QKI: variants seen among roughly 807,000 people sequenced by gnomAD.
QKI encodes the protein QKI, KH domain containing RNA binding, also known as KH domain-containing RNA-binding protein QKI.
In QKI, 10 loss-of-function variants were observed where a neutral mutation model predicts 39.0. The ratio of observed to expected loss-of-function variants is 0.26; its 90% CI spans 0.16 to 0.43. The LOEUF (loss-of-function observed/expected upper bound fraction) is 0.43, where lower values mean the gene tolerates loss of function less well. Among genes scored for constraint, QKI ranks in the 20% least tolerant of loss-of-function variants. The pLI is 1.00. For missense variants in QKI, 218 were observed against 428.0 expected (o/e 0.51, Z 4.33); for synonymous variants, 204 against 155.4 (o/e 1.31, Z -2.33).
intron 1 of QKI, 48 bp downstream of exon 1, chr6:163,415,383 G>A: frequency 6.8e-7 from 1 of 1,472,498 alleles, no homozygotes; most frequent in Non-Finnish European, 9.1e-7. Flanking sequence ...CGCCGGGGCG[G>A]CCCCTTTCCC....
In QKI at chr6:163,573,504, GTT is replaced by G; in HGVS notation, c.*2797_*2798del. 1 of 151,982 alleles carries G rather than the reference GTT, an allele frequency of 6.6e-6. No homozygotes were observed. The highest frequency in any genetic ancestry group is 2.4e-5 in the African/African-American group (1 of 41,446). The allele number at this position is 151,982 out of a possible 1,614,324, so 9.4% of individuals were successfully genotyped here. On this transcript the variant is annotated 3_prime_UTR_variant, in exon 8 of 8. Transcript: ENST00000361752. Reference sequence around the variant, plus strand: ...AGTTTATAATGTATTTTTCTATCTTGTTTTATATGTATGTTATATAACATTCA... The same window carrying G: ...AGTTTATAATGTATTTTTCTATCTTGTTATATGTATGTTATATAACATTCA...
intron 1 of QKI, among the ~76,000 whole-genome samples, chr6:163,441,037 A>G (rs929241629): frequency 6.6e-6 from 1 of 152,214 alleles, no homozygotes; most frequent in African/African-American, 2.4e-5. Flanking sequence ...CTATGAATAT[A>G]GGGTTTATGA....
intron 1 of QKI, among the ~76,000 whole-genome samples, chr6:163,432,408 T>TG (rs1163598780): frequency 2.0e-5 from 3 of 151,854 alleles, no homozygotes; most frequent in African/African-American, 7.3e-5. Context: ...CTTTTTTTTT[T>TG]TTTAAAGAGA....
chr6:163,448,436 C>G (rs1331084476), intron 1 of QKI, among the ~76,000 whole-genome samples: 1 of 149,226 alleles, frequency 6.7e-6, no homozygotes, highest in Non-Finnish European at 1.5e-5. Flanking sequence ...ACTTAATAGT[C>G]TGTACTCTAG....
intron 2 of QKI, among the ~76,000 whole-genome samples, chr6:163,469,650 C>G (rs1792038400): frequency 6.6e-6 from 1 of 152,126 alleles, no homozygotes; most frequent in South Asian, 2.1e-4. Context: ...AAAGGCTGTT[C>G]TCTGTTTTAC....
At chr6:163,498,581 T>C (rs1778554210) in intron 3 of QKI, among the ~76,000 whole-genome samples, 2 of 151,814 alleles carry the variant, frequency 1.3e-5, no homozygotes, top group Non-Finnish European at 2.9e-5. Context: ...TTCTTCCTTT[T>C]GTTCTTATGT....
intron 1 of QKI, among the ~76,000 whole-genome samples, chr6:163,424,735 G>A (rs1788278201): frequency 6.6e-6 from 1 of 151,570 alleles, no homozygotes; most frequent in Non-Finnish European, 1.5e-5. Context: ...AGGTTCAAGT[G>A]ATTCTCCTGC....
At chr6:163,458,776 A>C (rs1562453842) in intron 2 of QKI, among the ~76,000 whole-genome samples, 1 of 152,194 alleles carries the variant, frequency 6.6e-6, no homozygotes, top group Non-Finnish European at 1.5e-5. Context: ...AAATGTATTA[A>C]AATTTTCACA....
At chr6:163,431,087 G>A (rs1788789642) in intron 1 of QKI, among the ~76,000 whole-genome samples, 5 of 152,094 alleles carry the variant, frequency 3.3e-5, no homozygotes, top group Admixed American at 3.3e-4. Context: ...AAAGATCTGT[G>A]GATCCTTGGG....
intron 4 of QKI, among the ~76,000 whole-genome samples, chr6:163,549,054 T>G (rs922106159): frequency 6.6e-6 from 1 of 152,160 alleles, no homozygotes; most frequent in Non-Finnish European, 1.5e-5. Flanking sequence ...AAAAGAGGTT[T>G]AATTGACTCA....
chr6:163,453,089 T>G (rs1790689875), intron 1 of QKI, among the ~76,000 whole-genome samples: 3 of 151,858 alleles, frequency 2.0e-5, no homozygotes, highest in Admixed American at 2.0e-4. Flanking sequence ...TGCAATAGAT[T>G]CTTTTGTTTT....
In QKI at chr6:163,431,862, A is replaced by G. The variant is rs114312184; in HGVS notation, c.142+16527A>G. 5.1e-3 allele frequency among the ~76,000 whole-genome samples: 759 copies of G among 149,916 alleles called. 5 individuals carry two copies. Among genetic ancestry groups the G allele is most frequent in the African/African-American group, 0.018 (732 of 40,888 alleles). ...AAAAAAAAAACCCTGTAATTCTGCA[A>G]TTTTAAAGCGGGTGTGGATTTGAGA... On this transcript the variant is annotated intron_variant, in intron 1 of 7. Transcript: ENST00000361752.
chr6:163,548,260 T>C (rs1425063744), intron 4 of QKI, among the ~76,000 whole-genome samples: 2 of 152,224 alleles, frequency 1.3e-5, no homozygotes, highest in Non-Finnish European at 2.9e-5. Context: ...TCTCCCTCAC[T>C]GCCTTGCACA....
At chr6:163,417,783 C>G (rs551742997) in intron 1 of QKI, among the ~76,000 whole-genome samples, 1 of 152,102 alleles carries the variant, frequency 6.6e-6, no homozygotes, top group Non-Finnish European at 1.5e-5. Context: ...GTAAAGATTG[C>G]TTCTGTGTGG....
chr6:163,419,769 A>T (rs774575987), intron 1 of QKI, among the ~76,000 whole-genome samples: 13 of 152,204 alleles, frequency 8.5e-5, no homozygotes, highest in Non-Finnish European at 1.6e-4. Context: ...GTTGTATCCG[A>T]CTGTAACACA....
intron 1 of QKI, among the ~76,000 whole-genome samples, chr6:163,418,309 G>A (rs961098689): frequency 6.6e-6 from 1 of 151,978 alleles, no homozygotes; most frequent in African/African-American, 2.4e-5. Context: ...ATGCTTGTCA[G>A]CCTAAGAATT....
intron 6 of QKI, chr6:163,566,105 A>C: frequency 6.8e-7 from 1 of 1,472,532 alleles, no homozygotes. Flanking sequence ...CATAGATATA[A>C]AGTAAAATTA....
chr6:163,473,897 G>T (rs185924334), intron 2 of QKI, among the ~76,000 whole-genome samples: 1 of 146,232 alleles, frequency 6.8e-6, no homozygotes, highest in East Asian at 2.1e-4. Flanking sequence ...TTGTGGGCCA[G>T]TTCTATTTAT....
intron 3 of QKI, among the ~76,000 whole-genome samples, chr6:163,488,995 A>G (rs538729872): frequency 6.9e-6 from 1 of 145,298 alleles, no homozygotes; most frequent in African/African-American, 2.6e-5. Flanking sequence ...TTTTTTAAAC[A>G]TAAACAGTTA....
Sources: allele counts gnomAD v4.1 joint callset (sites outside exome capture counted in the v4.1 genomes callset), GRCh38; gene constraint gnomAD v4.1.1; transcripts MANE v1.5; gene names NCBI Gene and HGNC (gene_info 2026-07-23, HGNC 2026-07-21).